The following FAM13B variants were observed in gnomAD, a reference collection of about 807,000 sequenced individuals.
FAM13B encodes the protein protein FAM13B.
A neutral mutation model predicts 117.3 loss-of-function variants in FAM13B; 60 were observed. The ratio of observed to expected loss-of-function variants is 0.51; its 90% CI spans 0.42 to 0.63. The LOEUF (loss-of-function observed/expected upper bound fraction) is 0.63, where lower values mean the gene tolerates loss of function less well. Among genes scored for constraint, FAM13B ranks in the 30% least tolerant of loss-of-function variants. FAM13B has a pLI of 0.00. For missense variants in FAM13B, 972 were observed against 1,091.9 expected, an observed-to-expected ratio of 0.89 and a Z score of 1.55; for synonymous variants, 332 against 356.1, an observed-to-expected ratio of 0.93 and a Z score of 0.76.
chr5:137,983,217 C>CT (rs1776326143), intron 10 of FAM13B, among the ~76,000 whole-genome samples: 1 of 97,112 alleles, frequency 1.0e-5, no homozygotes, highest in African/African-American at 3.9e-5. Flanking sequence ...AAAAAAAAAC[C>CT]GAGTGAGATA....
At chr5:137,995,309 C>T (rs1341555229) in intron 7 of FAM13B, among the ~76,000 whole-genome samples, 2 of 152,146 alleles carry the variant, frequency 1.3e-5, no homozygotes, top group African/African-American at 2.4e-5. Context: ...GAGGAACAAA[C>T]TTTTTAATCT....
Position 138,032,757 on chromosome 5 carries a change from T to C in FAM13B, c.-203+25A>G, listed in dbSNP as rs911788270. On this transcript the variant is annotated intron_variant, in intron 1 of 23. Coordinates refer to ENST00000689681, the MANE Select transcript of FAM13B (RefSeq NM_001385994.1). ...GACCTGCAACCCGCGCATGCGCAGATCCGGGTACCCGCCCGTTTACCTACC... is the reference window on the plus strand; with the variant it reads ...GACCTGCAACCCGCGCATGCGCAGACCCGGGTACCCGCCCGTTTACCTACC... The C allele has an allele frequency of 6.1e-6, 6 of 985,388 alleles. No individual in the cohort carries two copies. In the African/African-American group the frequency reaches 1.0e-4, roughly 17 times the overall value. The allele number at this position is 985,388 out of a possible 1,614,324, so 61.0% of individuals were successfully genotyped here. A position where few individuals can be genotyped will look rare whatever the true frequency, so the allele number is the denominator to read the frequency against.
chr5:138,033,581 A>G (rs1241985606), upstream of FAM13B, among the ~76,000 whole-genome samples: 2 of 152,010 alleles, frequency 1.3e-5, no homozygotes, highest in Non-Finnish European at 2.9e-5. Flanking sequence ...CCTGACCTAG[A>G]CTCCAGAGAG....
chr5:138,030,893 C>G (rs185947068), intron 1 of FAM13B, among the ~76,000 whole-genome samples: 2 of 151,882 alleles, frequency 1.3e-5, no homozygotes, highest in African/African-American at 4.8e-5. Context: ...ATTAGTCAGG[C>G]GCAGTGGCAA....
chr5:138,004,304 C>CAATGAATCCTTTTAA (rs61387347), intron 7 of FAM13B, among the ~76,000 whole-genome samples: 1 of 151,734 alleles, frequency 6.6e-6, no homozygotes, highest in African/African-American at 2.4e-5. Context: ...ACTAAATCTC[C>CAATGAATCCTTTTAA]AATGACTGTG....
chr5:138,028,973 C>A (rs1480341139), intron 1 of FAM13B, among the ~76,000 whole-genome samples: 1 of 152,066 alleles, frequency 6.6e-6, no homozygotes, highest in Non-Finnish European at 1.5e-5. Flanking sequence ...GAGCCGAGAT[C>A]GCCGCCATTG....
intron 8 of FAM13B, 44 bp downstream of exon 8, chr5:137,988,230 T>C (rs551033831): frequency 7.1e-7 from 1 of 1,406,952 alleles, no homozygotes; most frequent in South Asian, 1.3e-5. Flanking sequence ...CTTAGTAGTA[T>C]TTTAAAATCT....
chr5:138,005,492 T>C (rs548985749), intron 7 of FAM13B, among the ~76,000 whole-genome samples: 8 of 151,662 alleles, frequency 5.3e-5, no homozygotes, highest in African/African-American at 1.9e-4. Context: ...AGTACAGTAC[T>C]GACAAGCTAG....
At chr5:137,940,699 T>C (rs1203116754) in intron 23 of FAM13B, among the ~76,000 whole-genome samples, 4 of 152,202 alleles carry the variant, frequency 2.6e-5, no homozygotes, top group Admixed American at 6.5e-5. Flanking sequence ...TTAATACATT[T>C]AGTTAACTGC....
At chr5:137,996,123 T>C (rs966965916) in intron 7 of FAM13B, among the ~76,000 whole-genome samples, 1 of 152,102 alleles carries the variant, frequency 6.6e-6, no homozygotes, top group Non-Finnish European at 1.5e-5. Context: ...CAGAATGAAG[T>C]GGAAACCAGT....
At chr5:137,955,436 A>T (rs1380035369) in intron 14 of FAM13B, among the ~76,000 whole-genome samples, 2 of 152,200 alleles carry the variant, frequency 1.3e-5, no homozygotes, top group Non-Finnish European at 2.9e-5. Flanking sequence ...TCTTAAGCAC[A>T]TTTACTTTAC....
Position 137,983,213 on chromosome 5 carries a change from A to AAAAAAAAC in FAM13B, c.1179+2043_1179+2044insGTTTTTTT, listed in dbSNP as rs1561492748. Among the ~76,000 whole-genome samples the AAAAAAAAC allele has an allele frequency of 1.8e-3, 170 of 93,698 alleles. 16 individuals are homozygous for AAAAAAAAC. The highest frequency in any genetic ancestry group is 2.2e-3 in the Non-Finnish European group (96 of 43,930). 61.5% of individuals were successfully genotyped at this position (93,698 alleles called of 152,430 possible). Reference sequence around the variant, plus strand: ...AAAAAAAAAAAAAAAAAAAAAAAAAAAACCGAGTGAGATATCCTGAATGCC... The same window carrying AAAAAAAAC: ...AAAAAAAAAAAAAAAAAAAAAAAAAAAAAAAAACAACCGAGTGAGATATCCTGAATGCC... On this transcript the variant is annotated intron_variant, in intron 10 of 23. Transcript: ENST00000689681.
At chr5:138,040,156 G>A (rs1035117749) in intron 1 of FAM13B, among the ~76,000 whole-genome samples, 1 of 150,790 alleles carries the variant, frequency 6.6e-6, no homozygotes, top group Non-Finnish European at 1.5e-5. Context: ...CCCAGCTACT[G>A]GGGAGGCTGA....
Position 138,021,418 on chromosome 5 carries a change from A to G in FAM13B, c.-202-221T>C, listed in dbSNP as rs1295151883. 2.0e-5 allele frequency among the ~76,000 whole-genome samples: 3 copies of G among 152,330 alleles called. No homozygotes were observed. The East Asian group carries it at 5.8e-4, about 29-fold the overall frequency. On this transcript the variant is annotated intron_variant, in intron 1 of 23. Transcript: ENST00000689681. ...CTTCCTGCTGAAGATAAATAAATAA[A>G]CGAATTGCAAAGGAGGATATGTGAC...
At chr5:138,048,906 A>G (rs1488596214) in intron 1 of FAM13B, among the ~76,000 whole-genome samples, 3 of 151,628 alleles carry the variant, frequency 2.0e-5, no homozygotes, top group Admixed American at 2.0e-4. Context: ...TCTAAAAATC[A>G]GAGAATTCTG....
Position 138,007,074 on chromosome 5 carries a change from G to A in FAM13B, c.764C>T (p.Ala255Val), listed in dbSNP as rs778129950. 1.9e-6 allele frequency: 3 copies of A among 1,613,416 alleles called. No individual in the cohort carries two copies. The South Asian group carries it at 3.3e-5, about 18-fold the overall frequency. Residue 255 changes from alanine (A) to valine (V), a missense_variant, in exon 7 of 24, where the codon GCA (alanine) becomes GTA (valine). By Grantham distance (64) the Ala-to-Val change is moderately conservative (BLOSUM62 0). Coordinates refer to ENST00000689681, the MANE Select transcript of FAM13B (RefSeq NM_001385994.1). ...EHIEELPEEG[A>V]EKSNDMPEVV... ...CTCTGGCATGTCATTTGATTTTTCTGCACCCTCTTCTGGAAGTTCTTCAAT... is the reference window on the plus strand; with the variant it reads ...CTCTGGCATGTCATTTGATTTTTCTACACCCTCTTCTGGAAGTTCTTCAAT...
At position 137,953,477 on chromosome 5, in the gene FAM13B, C is replaced by A. The variant is rs1177343705; in HGVS notation, c.1719-12G>T. 1.2e-6 allele frequency: 2 copies of A among 1,612,818 alleles called. No individual in the cohort carries two copies. Among genetic ancestry groups the A allele is most frequent in the Non-Finnish European group, 1.7e-6 (2 of 1,179,628 alleles). Reference sequence around the variant, plus strand: ...ATGATCTTCGAATTCTGAATTAAAACAAAAGGCCAACACTGTTAAATTTTC... The same window carrying A: ...ATGATCTTCGAATTCTGAATTAAAAAAAAAGGCCAACACTGTTAAATTTTC... On this transcript the variant is annotated splice_polypyrimidine_tract_variant and intron_variant, in intron 15 of 23. Coordinates refer to ENST00000689681, the MANE Select transcript of FAM13B (RefSeq NM_001385994.1).
At chr5:137,984,986 G>C (rs546606040) in intron 10 of FAM13B, among the ~76,000 whole-genome samples, 2 of 152,000 alleles carry the variant, frequency 1.3e-5, no homozygotes, top group South Asian at 2.1e-4. Context: ...AGCCAGGATG[G>C]TCTCGATCTC....
chr5:138,022,230 T>C (rs1174051022), intron 1 of FAM13B, among the ~76,000 whole-genome samples: 1 of 152,208 alleles, frequency 6.6e-6, no homozygotes, highest in Non-Finnish European at 1.5e-5. Flanking sequence ...CTTTGCATAA[T>C]GCTAAAAGAC....
Sources: allele counts gnomAD v4.1 joint callset (sites outside exome capture counted in the v4.1 genomes callset), GRCh38; gene constraint gnomAD v4.1.1; transcripts MANE v1.5; gene names NCBI Gene and HGNC (gene_info 2026-07-23, HGNC 2026-07-21).